The following UBE2E3 variants were observed in gnomAD, a reference collection of about 807,000 sequenced individuals.
UBE2E3 encodes ubiquitin conjugating enzyme E2 E3.
Under a neutral mutation model 23.6 loss-of-function variants are expected in UBE2E3, and 5 were observed. That is an observed-to-expected ratio of 0.21 (90% CI 0.11 to 0.44). UBE2E3 has a LOEUF of 0.44. Among genes scored for constraint, UBE2E3 ranks in the 20% least tolerant of loss-of-function variants. UBE2E3 has a pLI of 0.99. For synonymous variants in UBE2E3, 78 were observed against 87.5 expected (o/e 0.89, Z 0.60); for missense variants, 81 against 249.8 (o/e 0.32, Z 4.55).
At chr2:180,991,512 C>T (rs997829438) in intron 3 of UBE2E3, among the ~76,000 whole-genome samples, 4 of 152,174 alleles carry the variant, frequency 2.6e-5, no homozygotes, top group Non-Finnish European at 4.4e-5. Context: ...GTCTGATAGC[C>T]AAGACCACTA....
Position 181,024,877 on chromosome 2 carries a change from A to C in UBE2E3, c.246-32816A>C, listed in dbSNP as rs1423040336. Among the ~76,000 whole-genome samples, 3 of 152,158 alleles carry C rather than the reference A, an allele frequency of 2.0e-5. No homozygotes were observed. In the East Asian group the frequency reaches 5.8e-4, roughly 29 times the overall value. On this transcript the variant is annotated intron_variant, in intron 3 of 5. Coordinates refer to ENST00000410062, the MANE Select transcript of UBE2E3 (RefSeq NM_006357.4). ...TATTGCTTGAACTGTAGTAATTCAA[A>C]TGTAGCAATTTCAAAGGTAGAATTT...
chr2:181,034,616 T>C (rs1356969695), intron 3 of UBE2E3, among the ~76,000 whole-genome samples: 1 of 152,178 alleles, frequency 6.6e-6, no homozygotes, highest in Non-Finnish European at 1.5e-5. Flanking sequence ...ACATGGCACA[T>C]GTATACATAT....
intron 3 of UBE2E3, among the ~76,000 whole-genome samples, chr2:181,034,251 A>G (rs1173962781): frequency 2.0e-5 from 3 of 152,230 alleles, no homozygotes; most frequent in Non-Finnish European, 4.4e-5. Flanking sequence ...GGCAGTATTC[A>G]CAGTAGCAAA....
intron 3 of UBE2E3, among the ~76,000 whole-genome samples, chr2:181,019,578 A>G (rs974373039): frequency 3.3e-5 from 5 of 152,184 alleles, no homozygotes; most frequent in Non-Finnish European, 5.9e-5. Flanking sequence ...TTCATTTGTA[A>G]TTATCTCAAA....
intron 3 of UBE2E3, among the ~76,000 whole-genome samples, chr2:181,036,626 G>A (rs1686294822): frequency 6.6e-6 from 1 of 152,158 alleles, no homozygotes; most frequent in South Asian, 2.1e-4. Context: ...AGTGATGCAG[G>A]AGCATCCTGT....
intron 3 of UBE2E3, among the ~76,000 whole-genome samples, chr2:181,010,983 C>G (rs1170648875): frequency 6.6e-6 from 1 of 152,032 alleles, no homozygotes; most frequent in Non-Finnish European, 1.5e-5. Flanking sequence ...GCTTCAACTT[C>G]GCATCATACA....
intron 3 of UBE2E3, among the ~76,000 whole-genome samples, chr2:181,025,453 G>T (rs1052387406): frequency 3.3e-5 from 5 of 151,068 alleles, no homozygotes; most frequent in Non-Finnish European, 5.9e-5. Context: ...TGTTAGGTAA[G>T]AGAACTTTGA....
intron 3 of UBE2E3, among the ~76,000 whole-genome samples, chr2:181,050,945 C>A (rs1437640144): frequency 6.6e-6 from 1 of 151,720 alleles, no homozygotes; most frequent in Non-Finnish European, 1.5e-5. Context: ...GAGTAATAAT[C>A]CAGTAATCCT....
intron 3 of UBE2E3, among the ~76,000 whole-genome samples, chr2:181,000,680 G>A (rs1684965523): frequency 6.6e-6 from 1 of 151,210 alleles, no homozygotes; most frequent in South Asian, 2.1e-4. Context: ...TCAGCCTCCT[G>A]AGTAGCTGGG....
intron 3 of UBE2E3, among the ~76,000 whole-genome samples, chr2:181,022,737 A>G (rs1685748828): frequency 6.6e-6 from 1 of 152,146 alleles, no homozygotes; most frequent in East Asian, 1.9e-4. Flanking sequence ...AAAAACAAAA[A>G]ACAAAAAAAA....
At chr2:181,045,310 G>T (rs1686643570) in intron 3 of UBE2E3, among the ~76,000 whole-genome samples, 1 of 152,278 alleles carries the variant, frequency 6.6e-6, no homozygotes, top group Admixed American at 6.5e-5. Context: ...GCATGCCCCT[G>T]GCTGAGCCCA....
chr2:180,987,446 C>G (rs970211198), intron 3 of UBE2E3: 1 of 1,531,882 alleles, frequency 6.5e-7, no homozygotes, highest in Non-Finnish European at 8.8e-7. Context: ...GGAAGAAGCA[C>G]AAATATACTG....
chr2:181,011,563 T>A (rs1685328942), intron 3 of UBE2E3, among the ~76,000 whole-genome samples: 1 of 152,026 alleles, frequency 6.6e-6, no homozygotes, highest in South Asian at 2.1e-4. Flanking sequence ...AAATCAAAAC[T>A]AAGTCAAAAA....
Position 180,980,961 on chromosome 2 carries a change from G to A in UBE2E3, c.-38G>A, listed in dbSNP as rs1684266283. On this transcript the variant is annotated 5_prime_UTR_variant, in exon 1 of 6. Transcript: ENST00000410062. The surrounding 1 kb of genome is among the most constrained non-coding windows in gnomAD (Gnocchi z 5.5). Reference sequence around the variant, plus strand: ...CCGTAGCGGCGCGCGAGCGGGCCGGGCGGGCGGCCGAGGTAAGGCGGCGGG... The same window carrying A: ...CCGTAGCGGCGCGCGAGCGGGCCGGACGGGCGGCCGAGGTAAGGCGGCGGG... The A allele has an allele frequency of 6.8e-6, 1 of 147,538 alleles. No homozygotes were observed. The highest frequency in any genetic ancestry group is 6.8e-5 in the Admixed American group (1 of 14,804). The allele number at this position is 147,538 out of a possible 1,614,324, so 9.1% of individuals were successfully genotyped here.
intron 3 of UBE2E3, among the ~76,000 whole-genome samples, chr2:181,015,756 A>T (rs754084785): frequency 2.4e-4 from 36 of 152,186 alleles, no homozygotes; most frequent in Non-Finnish European, 4.0e-4. Flanking sequence ...AAAATCTTAA[A>T]AGAATGCACA....
chr2:181,038,628 A>T (rs886568779), intron 3 of UBE2E3, among the ~76,000 whole-genome samples: 1 of 152,240 alleles, frequency 6.6e-6, no homozygotes, highest in Non-Finnish European at 1.5e-5. Context: ...AGTAAAAGAC[A>T]CTGTTGAGAA....
At chr2:181,023,213 T>G (rs1329184746) in intron 3 of UBE2E3, among the ~76,000 whole-genome samples, 1 of 152,192 alleles carries the variant, frequency 6.6e-6, no homozygotes, top group Non-Finnish European at 1.5e-5. Context: ...TAGGAGTAGG[T>G]GAATTCACAG....
chr2:180,987,628 T>G (rs1033702606), intron 3 of UBE2E3, among the ~76,000 whole-genome samples: 1 of 152,124 alleles, frequency 6.6e-6, no homozygotes, highest in African/African-American at 2.4e-5. Context: ...GATCAGGTGA[T>G]TTCGTTGACT....
intron 3 of UBE2E3, among the ~76,000 whole-genome samples, chr2:180,990,535 T>C (rs1024800056): frequency 2.6e-5 from 4 of 152,240 alleles, no homozygotes; most frequent in Admixed American, 1.3e-4. Context: ...ATATGTCTTA[T>C]ATTATTTGTC....
Sources: allele counts gnomAD v4.1 joint callset (sites outside exome capture counted in the v4.1 genomes callset), GRCh38; gene constraint gnomAD v4.1.1; non-coding constraint Gnocchi (gnomAD v3.1); transcripts MANE v1.5; gene names NCBI Gene and HGNC (gene_info 2026-07-23, HGNC 2026-07-21).